The following CREG2 variants were observed in gnomAD, a reference collection of about 807,000 sequenced individuals.
CREG2 encodes cellular repressor of E1A stimulated genes 2, also known as protein CREG2.
CREG2 carries 24 observed loss-of-function variants against 26.2 expected under a neutral mutation model. The ratio of observed to expected loss-of-function variants is 0.92; its 90% CI spans 0.66 to 1.29. The LOEUF (loss-of-function observed/expected upper bound fraction) is 1.29, where lower values mean the gene tolerates loss of function less well. CREG2 is among the 50% of genes most tolerant of loss of function. The pLI, the probability that CREG2 is intolerant of heterozygous loss-of-function variation, is 0.00. For missense variants in CREG2, 366 were observed against 398.6 expected (o/e 0.92, Z 0.70); for synonymous variants, 174 against 169.2 (o/e 1.03, Z -0.22).
At chr2:101,368,156 C>T (rs750034103) in intron 2 of CREG2, among the ~76,000 whole-genome samples, 2 of 151,918 alleles carry the variant, frequency 1.3e-5, no homozygotes, top group Admixed American at 6.6e-5. Context: ...GGCATTGTGG[C>T]GTGCACCTGT....
chr2:101,359,883 A>T (rs1684515472), intron 2 of CREG2, among the ~76,000 whole-genome samples: 1 of 152,226 alleles, frequency 6.6e-6, no homozygotes, highest in Non-Finnish European at 1.5e-5. Context: ...GCCCGTAGAG[A>T]CCATTCATAA....
intron 2 of CREG2, among the ~76,000 whole-genome samples, chr2:101,373,420 G>C (rs531835391): frequency 6.6e-6 from 1 of 152,176 alleles, no homozygotes; most frequent in Non-Finnish European, 1.5e-5. Flanking sequence ...GAGACAGAAA[G>C]AAGCTTAATG....
intron 2 of CREG2, among the ~76,000 whole-genome samples, chr2:101,376,696 C>T (rs747287941): frequency 6.6e-6 from 1 of 152,190 alleles, no homozygotes; most frequent in East Asian, 1.9e-4. Context: ...CACAGTATAA[C>T]TCAACATGAT....
At chr2:101,368,926 C>T (rs571291597) in intron 2 of CREG2, among the ~76,000 whole-genome samples, 1 of 152,274 alleles carries the variant, frequency 6.6e-6, no homozygotes, top group South Asian at 2.1e-4. Flanking sequence ...GCCACCCAGT[C>T]TGTGGTATTT....
intron 2 of CREG2, among the ~76,000 whole-genome samples, chr2:101,380,335 A>C (rs1684853288): frequency 6.6e-6 from 1 of 152,322 alleles, no homozygotes; most frequent in South Asian, 2.1e-4. Context: ...TCACTAGCCC[A>C]TGCTGGTGCA....
intron 2 of CREG2, among the ~76,000 whole-genome samples, chr2:101,368,523 G>A (rs1684653039): frequency 6.6e-6 from 1 of 152,090 alleles, no homozygotes; most frequent in Admixed American, 6.5e-5. Flanking sequence ...CTGGCCTCTG[G>A]GGAGCTGCAC....
chr2:101,363,594 A>C (rs149820988), intron 2 of CREG2, among the ~76,000 whole-genome samples: 4 of 152,312 alleles, frequency 2.6e-5, no homozygotes, highest in African/African-American at 9.6e-5. Context: ...GAAAGGATGT[A>C]TTACGTTTTT....
In CREG2 at chr2:101,345,620, A is replaced by T. The variant is rs1239028383; in HGVS notation, c.*5303T>A. On this transcript the variant is annotated 3_prime_UTR_variant, in exon 4 of 4. Transcript: ENST00000324768. The stretch of plus-strand genomic sequence containing the variant: ...AATGAAATAGTCTTTGGTTAAATAG[A>T]TCTAGTTTTGAAAACAGATTTTACA... 3 of 152,216 alleles carry T rather than the reference A, an allele frequency of 2.0e-5. No individual in the cohort carries two copies. Among genetic ancestry groups the T allele is most frequent in the Non-Finnish European group, 4.4e-5 (3 of 68,048 alleles). The allele number at this position is 152,216 out of a possible 1,614,324, so 9.4% of individuals were successfully genotyped here. A position where few individuals can be genotyped will look rare whatever the true frequency, so the allele number is the denominator to read the frequency against.
rs1684637481 is a variant in CREG2 at position 101,367,627 on chromosome 2, G to A, written c.612-12261C>T. ...GTCTTAATCCCCAGATGCCAAAGAA[G>A]TCCTAATCCCCGGAATGTGTGAATG... is the stretch of plus-strand genomic sequence containing the variant. On this transcript the variant is annotated intron_variant, in intron 2 of 3. Transcript: ENST00000324768. Among the ~76,000 whole-genome samples the A allele has an allele frequency of 3.3e-5, 5 of 152,284 alleles. No homozygotes were observed. In the South Asian group the frequency reaches 1.0e-3, roughly 32 times the overall value.
intron 3 of CREG2, among the ~76,000 whole-genome samples, chr2:101,353,566 AG>A (rs1254299236): frequency 6.6e-6 from 1 of 152,252 alleles, no homozygotes; most frequent in Non-Finnish European, 1.5e-5. Context: ...CGATTCCTTA[AG>A]GATCTAGAAC....
chr2:101,367,794 A>G (rs1234046626), intron 2 of CREG2, among the ~76,000 whole-genome samples: 2 of 152,234 alleles, frequency 1.3e-5, no homozygotes, highest in African/African-American at 4.8e-5. Flanking sequence ...AGTGAGCAGT[A>G]GGAGGTGGGA....
chr2:101,369,659 G>A (rs184094970), intron 2 of CREG2, among the ~76,000 whole-genome samples: 3 of 152,238 alleles, frequency 2.0e-5, no homozygotes, highest in Admixed American at 6.5e-5. Flanking sequence ...TGAAAGATGC[G>A]TATTTCCATG....
chr2:101,367,963 C>G (rs1047611613), intron 2 of CREG2, among the ~76,000 whole-genome samples: 1 of 152,206 alleles, frequency 6.6e-6, no homozygotes, highest in Non-Finnish European at 1.5e-5. Flanking sequence ...TTGTGAGACT[C>G]ATTTCAGACT....
chr2:101,385,980 A>C (rs1161052228), intron 1 of CREG2, among the ~76,000 whole-genome samples: 1 of 152,234 alleles, frequency 6.6e-6, no homozygotes, highest in Admixed American at 6.5e-5. Flanking sequence ...ATGTCTTTTT[A>C]AGATGTGTCT....
rs193213714 is a variant in CREG2 at position 101,352,668 on chromosome 2, C to T, written c.726-1598G>A. ...ACTAAAAATATAAAAATTAGCCAGC[C>T]GTGGTGGTGCACACCTGTAATCCCA... On this transcript the variant is annotated intron_variant, in intron 3 of 3. Transcript: ENST00000324768. 4.4e-3 allele frequency among the ~76,000 whole-genome samples: 671 copies of T among 152,256 alleles called. 7 individuals carry two copies. The highest frequency in any genetic ancestry group is 0.015 in the African/African-American group (606 of 41,538).
Position 101,355,303 on chromosome 2 carries a change from G to T in CREG2, c.675C>A (p.Ile225=). 1 of 1,613,964 alleles carries T rather than the reference G, an allele frequency of 6.2e-7. No homozygotes were observed. Among genetic ancestry groups the T allele is most frequent in the South Asian group, 1.1e-5 (1 of 91,066 alleles). ...ATTCTACTTCTTCTGGAGACACTGC[G>T]ATCATCTGGCCAGTGAGCGTTAACT... ...CVQLTLTGQM[I]AVSPEEVEFA... is the part of the protein sequence containing the mutation. Residue 225 remains isoleucine, a synonymous_variant, in exon 3 of 4, where the codon ATC becomes ATA. Coordinates refer to ENST00000324768, the MANE Select transcript of CREG2 (RefSeq NM_153836.4).
In CREG2 at chr2:101,380,297, C is replaced by T. The variant is rs72990605; in HGVS notation, c.611+3236G>A. Among the ~76,000 whole-genome samples the T allele has an allele frequency of 3.9e-3, 594 of 152,312 alleles. 5 individuals are homozygous for T. The highest frequency in any genetic ancestry group is 0.013 in the African/African-American group (523 of 41,574). On this transcript the variant is annotated intron_variant, in intron 2 of 3. Transcript: ENST00000324768. The stretch of plus-strand genomic sequence containing the variant: ...CCAGTTGTTGGAGGCTTCTTGCTCC[C>T]GGGCTGTATCCTTGGTGGAGATGGC...
intron 2 of CREG2, among the ~76,000 whole-genome samples, chr2:101,363,707 G>A (rs892668919): frequency 3.9e-5 from 6 of 151,910 alleles, no homozygotes; most frequent in East Asian, 1.9e-4. Flanking sequence ...AAAATTGGCC[G>A]GGCGTTGTGG....
In CREG2 at chr2:101,346,494, T is replaced by C. The variant is rs780828445; in HGVS notation, c.*4429A>G. The C allele has an allele frequency of 1.3e-5, 2 of 152,196 alleles. No individual in the cohort carries two copies. Among genetic ancestry groups the C allele is most frequent in the Non-Finnish European group, 2.9e-5 (2 of 68,036 alleles). The allele number at this position is 152,196 out of a possible 1,614,324, so 9.4% of individuals were successfully genotyped here. ...TCCTAAGTGACCCACTTAAAATCTA[T>C]ACAGCAGATTTGTTGAATTCTTGTT... is the stretch of plus-strand genomic sequence containing the variant. On this transcript the variant is annotated 3_prime_UTR_variant, in exon 4 of 4. Transcript: ENST00000324768.
Sources: allele counts gnomAD v4.1 joint callset (sites outside exome capture counted in the v4.1 genomes callset), GRCh38; gene constraint gnomAD v4.1.1; transcripts MANE v1.5; gene names NCBI Gene and HGNC (gene_info 2026-07-23, HGNC 2026-07-21).